BICDL1: variants seen among roughly 807,000 people sequenced by gnomAD.
The protein encoded by BICDL1 is BICD family like cargo adaptor 1, also known as BICD family-like cargo adapter 1.
BICDL1 carries 20 observed loss-of-function variants against 76.8 expected under a neutral mutation model. The observed-to-expected ratio is 0.26, with a 90% CI of 0.18 to 0.38. The LOEUF (loss-of-function observed/expected upper bound fraction) is 0.38. Ranked by LOEUF, BICDL1 falls within the 10% of genes least tolerant of loss-of-function variation. The pLI is 1.00. For missense variants in BICDL1, 700 were observed against 798.6 expected (o/e 0.88, Z 1.49); for synonymous variants, 383 against 337.1 (o/e 1.14, Z -1.49).
rs774042185 is a variant in BICDL1, at chr12:120,093,177, G to A, written c.*16G>A. The A allele has an allele frequency of 6.4e-7, 1 of 1,570,880 alleles. No homozygotes were observed. Among genetic ancestry groups the A allele is most frequent in the Admixed American group, 1.9e-5 (1 of 52,488 alleles). On this transcript the variant is annotated 3_prime_UTR_variant, in exon 10 of 10. Coordinates refer to ENST00000548673, the MANE Select transcript of BICDL1 (RefSeq NM_001367886.1). ...GAAAATTTAAGTTGGGAGGAGTCAG[G>A]CCACCAAAGATGGGTGGACTGGAGG...
At chr12:120,011,017 C>T (rs180819728) in intron 2 of BICDL1, among the ~76,000 whole-genome samples, 4 of 152,162 alleles carry the variant, frequency 2.6e-5, no homozygotes, top group African/African-American at 7.2e-5. Context: ...GTTGTTGTGA[C>T]GGATCAGTCA....
chr12:120,020,405 T>A (rs1441822344), intron 2 of BICDL1, among the ~76,000 whole-genome samples: 1 of 152,190 alleles, frequency 6.6e-6, no homozygotes, highest in African/African-American at 2.4e-5. Flanking sequence ...TATATTGTAA[T>A]AATACTCAGA....
At chr12:120,064,296 G>A (rs890584089) in intron 3 of BICDL1, among the ~76,000 whole-genome samples, 36 of 152,186 alleles carry the variant, frequency 2.4e-4, no homozygotes, top group African/African-American at 8.4e-4. Context: ...GTGAAAACAC[G>A]GCGCTCCAGA....
At chr12:120,035,308 C>A (rs906688365) in intron 2 of BICDL1, among the ~76,000 whole-genome samples, 2 of 152,134 alleles carry the variant, frequency 1.3e-5, no homozygotes, top group African/African-American at 4.8e-5. Flanking sequence ...CACATTCCAG[C>A]CTAGGTAACA....
At chr12:120,023,408 A>G (rs1388204732) in intron 2 of BICDL1, among the ~76,000 whole-genome samples, 1 of 152,192 alleles carries the variant, frequency 6.6e-6, no homozygotes, top group Non-Finnish European at 1.5e-5. Context: ...TCTATCCCAT[A>G]ATAAAGATCA....
At chr12:120,074,100 A>T (rs1365648097) in intron 6 of BICDL1, among the ~76,000 whole-genome samples, 1 of 151,996 alleles carries the variant, frequency 6.6e-6, no homozygotes, top group African/African-American at 2.4e-5. Context: ...TTTTTAGTAG[A>T]GACAGGGTTT....
At chr12:120,048,176 G>T (rs1313813018) in intron 2 of BICDL1, among the ~76,000 whole-genome samples, 1 of 151,462 alleles carries the variant, frequency 6.6e-6, no homozygotes, top group Non-Finnish European at 1.5e-5. Context: ...GATGTCTTAT[G>T]AATTTACCTT....
chr12:120,081,091 T>A (rs1243634530), intron 8 of BICDL1, 74 bp downstream of exon 8: 12 of 1,478,700 alleles, frequency 8.1e-6, no homozygotes, highest in South Asian at 2.3e-5. Context: ...CTCAATTTTT[T>A]AAATTAAATC....
In BICDL1 at chr12:120,001,166, A is replaced by G. The variant is rs990787014; in HGVS notation, c.645+2430A>G. Among the ~76,000 whole-genome samples the G allele has an allele frequency of 3.4e-4, 51 of 152,144 alleles. 1 individual carries two copies. Among genetic ancestry groups the G allele is most frequent in the African/African-American group, 1.2e-3 (51 of 41,430 alleles). Reference sequence around the variant, plus strand: ...ATAGCGTTTTATTAACTGAGTATCCAGGAACTAGAGGAGTTAAATATTTTG... The same window carrying G: ...ATAGCGTTTTATTAACTGAGTATCCGGGAACTAGAGGAGTTAAATATTTTG... On this transcript the variant is annotated intron_variant, in intron 2 of 9. Transcript: ENST00000548673.
intron 2 of BICDL1, among the ~76,000 whole-genome samples, chr12:120,027,008 G>A (rs771508302): frequency 8.0e-5 from 12 of 150,512 alleles, no homozygotes; most frequent in African/African-American, 1.5e-4. Flanking sequence ...AAATGAGAAC[G>A]AGAATAATGA....
intron 2 of BICDL1, among the ~76,000 whole-genome samples, chr12:120,057,462 T>C (rs1223035551): frequency 6.6e-6 from 1 of 152,222 alleles, no homozygotes; most frequent in Non-Finnish European, 1.5e-5. Context: ...GCTTCCTTAT[T>C]TAGCATTTAA....
At chr12:120,080,439 C>T (rs1873879023) in intron 7 of BICDL1, among the ~76,000 whole-genome samples, 1 of 152,114 alleles carries the variant, frequency 6.6e-6, no homozygotes, top group Non-Finnish European at 1.5e-5. Flanking sequence ...AGCAGGGACT[C>T]CAGCTTTGGA....
In BICDL1 at chr12:119,989,931, C is replaced by T. The variant is rs748554183; in HGVS notation, c.63C>T (p.Ala21=). The change falls in exon 1 of 10, where the codon GCC becomes GCT. Residue 21 remains alanine, a synonymous_variant. Coordinates refer to ENST00000548673, the MANE Select transcript of BICDL1 (RefSeq NM_001367886.1). The part of the protein sequence containing the change: ...RASAPAEPDS[A]CCMELPAAAG... The stretch of plus-strand genomic sequence containing the variant: ...CAGCACCCGCCGAGCCGGACAGCGC[C>T]TGCTGCATGGAGCTGCCCGCCGCGG... 5.4e-6 allele frequency: 8 copies of T among 1,469,214 alleles called. No homozygotes were observed. Among genetic ancestry groups the T allele is most frequent in the Middle Eastern group, 2.4e-4 (1 of 4,144 alleles). 91.0% of individuals were successfully genotyped at this position (1,469,214 alleles called of 1,614,324 possible).
At position 120,079,079 on chromosome 12, in the gene BICDL1, C is replaced by T. The variant is rs200684042; in HGVS notation, c.1453-1808C>T. Among the ~76,000 whole-genome samples the T allele has an allele frequency of 2.6e-5, 4 of 152,342 alleles. No individual in the cohort carries two copies. The highest frequency in any genetic ancestry group is 3.9e-4 in the East Asian group (2 of 5,188). ...CCAGCCTGTTCTTCCCCGAGGCTTC[C>T]GCCCTCCTCACCCAGCTGTCCCTAC... is the stretch of plus-strand genomic sequence containing the variant. On this transcript the variant is annotated intron_variant, in intron 7 of 9. Coordinates refer to ENST00000548673, the MANE Select transcript of BICDL1 (RefSeq NM_001367886.1). The surrounding 1 kb of genome is among the most constrained non-coding windows in gnomAD (Gnocchi z 4.3).
intron 2 of BICDL1, among the ~76,000 whole-genome samples, chr12:120,033,923 T>C (rs1952482164): frequency 6.6e-6 from 1 of 152,198 alleles, no homozygotes; most frequent in Non-Finnish European, 1.5e-5. Flanking sequence ...GGTGGTGATG[T>C]GAGATCCCCC....
Position 120,064,671 on chromosome 12 carries a change from A to G in BICDL1, c.763-62A>G, listed in dbSNP as rs911005565. On this transcript the variant is annotated intron_variant, in intron 3 of 9. Coordinates refer to ENST00000548673, the MANE Select transcript of BICDL1 (RefSeq NM_001367886.1). ...CCTTCATGTTTTGGGGCTAGTCCCT[A>G]GTTCCTACTTGTCAGCCCGGGTGTA... 1.2e-5 allele frequency: 19 copies of G among 1,524,872 alleles called. No homozygotes were observed. In the African/African-American group the frequency reaches 2.4e-4, roughly 19 times the overall value. The allele number at this position is 1,524,872 out of a possible 1,614,324, so 94.5% of individuals were successfully genotyped here.
In BICDL1 at chr12:119,989,986, G is replaced by A; in HGVS notation, c.118G>A (p.Ala40Thr). 1.4e-6 allele frequency: 2 copies of A among 1,470,662 alleles called. No individual in the cohort carries two copies. The highest frequency in any genetic ancestry group is 8.9e-7 in the Non-Finnish European group (1 of 1,125,162). 91.1% of individuals were successfully genotyped at this position (1,470,662 alleles called of 1,614,324 possible). A position where few individuals can be genotyped will look rare whatever the true frequency, so the allele number is the denominator to read the frequency against. ...AGDAVRSPAA[A>T]AALIFPGGSG... ...GGACGCAGTCCGGAGTCCCGCCGCCGCCGCCGCCCTCATCTTCCCCGGGGG... is the reference window on the plus strand; with the variant it reads ...GGACGCAGTCCGGAGTCCCGCCGCCACCGCCGCCCTCATCTTCCCCGGGGG... Residue 40 changes from alanine (A) to threonine (T), a missense_variant, in exon 1 of 10, where the codon GCC (alanine) becomes ACC (threonine). Around this residue, in one of 3 missense-constraint regions of BICDL1, gnomAD observed 225 missense variants for 199.6 expected, o/e 1.13. Transcript: ENST00000548673.
chr12:120,045,917 TATA>T (rs72097325), intron 2 of BICDL1, among the ~76,000 whole-genome samples: 10 of 137,622 alleles, frequency 7.3e-5, no homozygotes, highest in Middle Eastern at 3.4e-3. Context: ...CTTAAAGTAT[TATA>T]ATAATAATAA....
chr12:120,091,860 T>C (rs995152651), intron 9 of BICDL1: 3 of 985,318 alleles, frequency 3.0e-6, no homozygotes, highest in Non-Finnish European at 1.2e-6. Flanking sequence ...TGCCCTCATC[T>C]CGTCAGTGGC....
Sources: gnomAD v4.1 joint callset for allele counts (sites outside exome capture counted in the v4.1 genomes callset) on GRCh38, gnomAD v4.1.1 for gene constraint, gnomAD v4.1.1 regional missense constraint, Gnocchi (gnomAD v3.1) non-coding constraint, MANE v1.5 for transcripts, NCBI Gene and HGNC (gene_info 2026-07-23, HGNC 2026-07-21) for gene names.